KRTAP13-4: variants seen among roughly 807,000 people sequenced by gnomAD.
KRTAP13-4 encodes the protein keratin-associated protein 13-4.
For synonymous variants in KRTAP13-4, 80 were observed against 77.2 expected, an observed-to-expected ratio of 1.04 and a Z score of -0.19; for missense variants, 198 against 189.6, an observed-to-expected ratio of 1.04 and a Z score of -0.26.
chr21:30,430,841 T>C (rs1539783), exon 1 of KRTAP13-4: 857,972 of 1,476,358 alleles, frequency 0.58, 252,826 homozygotes, highest in African/African-American at 0.75. Flanking sequence ...TCCCAATATC[T>C]TTTTATTCTT....
exon 1 of KRTAP13-4, chr21:30,430,330 C>G (rs569561865): frequency 6.2e-7 from 1 of 1,613,558 alleles, no homozygotes; most frequent in Admixed American, 1.7e-5. Context: ...TGGGGGCTAC[C>G]TGTACTACCC....
exon 1 of KRTAP13-4, chr21:30,430,797 A>C: frequency 6.5e-7 from 1 of 1,546,306 alleles, no homozygotes; most frequent in Non-Finnish European, 8.7e-7. Context: ...CAAAGTCTCT[A>C]CTGAATGCAG....
At chr21:30,430,743 T>C in exon 1 of KRTAP13-4, 1 of 1,606,252 alleles carries the variant, frequency 6.2e-7, no homozygotes, top group Non-Finnish European at 8.5e-7. Context: ...CTCGCTTCTA[T>C]CAATTCACCT....
chr21:30,430,517 G>A (rs769484851), exon 1 of KRTAP13-4: 3 of 1,614,168 alleles, frequency 1.9e-6, no homozygotes, highest in African/African-American at 1.3e-5. Flanking sequence ...CAGACGACTT[G>A]CTCTGGATCT....
At chr21:30,430,722 A>G in exon 1 of KRTAP13-4, 2 of 1,612,870 alleles carry the variant, frequency 1.2e-6, no homozygotes, top group Non-Finnish European at 1.7e-6. Context: ...GTTACAGACC[A>G]ATCTGTGGAT....
At chr21:30,430,849 C>T in exon 1 of KRTAP13-4, 1 of 1,443,426 alleles carries the variant, frequency 6.9e-7, no homozygotes, top group Admixed American at 2.3e-5. Context: ...TCTTTTTATT[C>T]TTCCACCACC....
At chr21:30,430,514 C>T (rs1984427449) in exon 1 of KRTAP13-4, 4 of 1,614,114 alleles carry the variant, frequency 2.5e-6, no homozygotes, top group African/African-American at 1.3e-5. Flanking sequence ...TGTCAGACGA[C>T]TTGCTCTGGA....
At position 30,430,769 on chromosome 21, in the gene KRTAP13-4, C is replaced by T. The variant is rs1026493862; in HGVS notation, c.*11C>T. On this transcript the variant is annotated 3_prime_UTR_variant, in exon 1 of 1. Coordinates refer to ENST00000334068, the Ensembl canonical transcript of KRTAP13-4. ...CAATTCACCTGCTAAATTTCTAGAT[C>T]CTTTTGAGTATTGGGATCAAAGTCT... The T allele has an allele frequency of 2.5e-6, 4 of 1,593,038 alleles. No individual in the cohort carries two copies. In the Admixed American group the frequency reaches 5.2e-5, roughly 21 times the overall value.
At chr21:30,430,304 T>G in exon 1 of KRTAP13-4, 1 of 1,612,134 alleles carries the variant, frequency 6.2e-7, no homozygotes. Context: ...TCTAGAAACT[T>G]CTCCTCCCGC....
exon 1 of KRTAP13-4, chr21:30,430,786 T>C: frequency 6.4e-7 from 1 of 1,571,802 alleles, no homozygotes; most frequent in Non-Finnish European, 8.6e-7. Context: ...AGTATTGGGA[T>C]CAAAGTCTCT....
At chr21:30,430,956 CTGAT>C (rs1984448366) in exon 1 of KRTAP13-4, 3 of 521,632 alleles carry the variant, frequency 5.8e-6, no homozygotes, top group Non-Finnish European at 9.9e-6. Flanking sequence ...TATATGCTAT[CTGAT>C]TTTCATCCAA....
chr21:30,430,225 A>T, upstream of KRTAP13-4: 3 of 1,489,952 alleles, frequency 2.0e-6, no homozygotes, highest in African/African-American at 1.4e-5. Flanking sequence ...GCGACATTAA[A>T]ACTCAGAATC....
the KRTAP13-4 span, chr21:30,430,526 CT>C: frequency 6.2e-7 from 1 of 1,614,202 alleles, no homozygotes; most frequent in East Asian, 2.2e-5. Flanking sequence ...TGCTCTGGAT[CT>C]CTAGGCTTTC....
At chr21:30,430,539 G>C (rs201032922) in exon 1 of KRTAP13-4, 343 of 1,614,038 alleles carry the variant, frequency 2.1e-4, no homozygotes, top group Non-Finnish European at 2.8e-4. Flanking sequence ...TAGGCTTTCG[G>C]TCCAGCAGCT....
In KRTAP13-4 at chr21:30,430,738, T is replaced by G. The variant is rs1348209210; in HGVS notation, c.463T>G (p.Phe155Val). The G allele has an allele frequency of 6.8e-6, 11 of 1,608,902 alleles. No homozygotes were observed. The highest frequency in any genetic ancestry group is 8.5e-6 in the Non-Finnish European group (10 of 1,176,538). ...TTACAGACCAATCTGTGGATCTCGC[T>G]TCTATCAATTCACCTGCTAAATTTC... Residue 155 changes from phenylalanine to valine, a missense_variant, in exon 1 of 1, where the codon TTC (phenylalanine) becomes GTC (valine). Transcript: ENST00000334068.
At position 30,430,334 on chromosome 21, in the gene KRTAP13-4, A is replaced by G. The variant is rs1042192985; in HGVS notation, c.59A>G (p.Tyr20Cys). Reference sequence around the variant, plus strand: ...TCCCGCTCCTTTGGGGGCTACCTGTACTACCCAGGCTCCTACCCCAGCAGC... The same window carrying G: ...TCCCGCTCCTTTGGGGGCTACCTGTGCTACCCAGGCTCCTACCCCAGCAGC... Residue 20 changes from tyrosine to cysteine, a missense_variant, in exon 1 of 1, where the codon TAC becomes TGC. Physicochemically the swap from Tyr to Cys is radical, Grantham distance 194. Coordinates refer to ENST00000334068, the Ensembl canonical transcript of KRTAP13-4. The G allele has an allele frequency of 1.5e-5, 24 of 1,613,784 alleles. No homozygotes were observed. In the African/African-American group the frequency reaches 1.7e-4, roughly 12 times the overall value.
chr21:30,430,868 G>T, exon 1 of KRTAP13-4: 1 of 1,296,964 alleles, frequency 7.7e-7, no homozygotes, highest in Middle Eastern at 2.0e-4. Context: ...CCAGCTTCTT[G>T]CATGACCAAC....
chr21:30,430,568 G>T (rs1220423192), exon 1 of KRTAP13-4: 6 of 1,614,062 alleles, frequency 3.7e-6, no homozygotes, highest in Non-Finnish European at 5.1e-6. Flanking sequence ...CAGGGCTATG[G>T]ATCTAGGTGC....
exon 1 of KRTAP13-4, chr21:30,430,924 A>G (rs1465464622): frequency 8.4e-6 from 6 of 711,940 alleles, no homozygotes; most frequent in Non-Finnish European, 1.2e-5. Context: ...ATTAACTTCT[A>G]ATATCTTTAC....
Sources: allele counts gnomAD v4.1 joint callset, GRCh38; gene constraint gnomAD v4.1.1; transcripts MANE v1.5; gene names NCBI Gene and HGNC (gene_info 2026-07-23, HGNC 2026-07-21).